The following C1QTNF3 variants were observed in gnomAD, a reference collection of about 807,000 sequenced individuals.
The protein encoded by C1QTNF3 is complement C1q tumor necrosis factor-related protein 3.
In C1QTNF3, 26 loss-of-function variants were observed where a neutral mutation model predicts 32.6. That is an observed-to-expected ratio of 0.80 (90% confidence interval 0.58 to 1.11). The LOEUF (loss-of-function observed/expected upper bound fraction) is 1.11. Ranked by LOEUF, C1QTNF3 falls within the 50% of genes least tolerant of loss-of-function variation. The pLI is 0.00. For synonymous variants in C1QTNF3, 155 were observed against 146.0 expected (o/e 1.06, Z -0.44); for missense variants, 362 against 398.2 (o/e 0.91, Z 0.77).
At chr5:34,158,781 T>C in the C1QTNF3 span, 3 of 152,132 alleles carry the variant, frequency 2.0e-5, no homozygotes, top group Admixed American at 1.3e-4. Context: ...TCTAATTTAT[T>C]TGAATATTTT....
intron 1 of C1QTNF3, among the ~76,000 whole-genome samples, chr5:34,039,920 T>C (rs1332472664): frequency 6.6e-6 from 1 of 152,216 alleles, no homozygotes; most frequent in Non-Finnish European, 1.5e-5. Context: ...TGAGGGCACT[T>C]TGAGGGCACA....
At chr5:34,139,219 T>C in the C1QTNF3 span, among the ~76,000 whole-genome samples, 41 of 152,118 alleles carry the variant, frequency 2.7e-4, no homozygotes, top group Non-Finnish European at 5.4e-4. Context: ...TGCTTATATA[T>C]ACTTACACAT....
chr5:34,035,537 C>T (rs1754715199), intron 2 of C1QTNF3, 110 bp downstream of exon 2: 4 of 810,198 alleles, frequency 4.9e-6, no homozygotes, highest in South Asian at 1.6e-5. Flanking sequence ...AAGAGTCTAG[C>T]GGATCCTTTG....
the C1QTNF3 span, among the ~76,000 whole-genome samples, chr5:34,221,897 G>A: frequency 6.6e-6 from 1 of 151,934 alleles, no homozygotes; most frequent in Admixed American, 6.6e-5. Context: ...CATTTTTCTT[G>A]GCTTCTCATA....
At chr5:34,022,831 TTTTGTTTG>T (rs372948672) in intron 5 of C1QTNF3, among the ~76,000 whole-genome samples, 3 of 152,104 alleles carry the variant, frequency 2.0e-5, no homozygotes, top group African/African-American at 4.8e-5. Context: ...AAGTCAGTTT[TTTTGTTTG>T]TTTGTTTGTT....
the C1QTNF3 span, among the ~76,000 whole-genome samples, chr5:34,155,507 T>G: frequency 2.0e-5 from 3 of 152,228 alleles, no homozygotes; most frequent in Admixed American, 2.0e-4. Flanking sequence ...TCAGACCTGA[T>G]TTTAATATCA....
the C1QTNF3 span, among the ~76,000 whole-genome samples, chr5:34,144,605 A>G: frequency 6.6e-6 from 1 of 152,226 alleles, no homozygotes; most frequent in African/African-American, 2.4e-5. Flanking sequence ...TGCAATAAAA[A>G]AAAGAAGTGA....
chr5:34,166,805 T>C, the C1QTNF3 span: 44 of 151,612 alleles, frequency 2.9e-4, no homozygotes, highest in African/African-American at 1.0e-3. Flanking sequence ...TCAAATGACA[T>C]AGTGAGAGTT....
At chr5:34,230,868 C>A in the C1QTNF3 span, among the ~76,000 whole-genome samples, 4 of 152,116 alleles carry the variant, frequency 2.6e-5, no homozygotes, top group Non-Finnish European at 5.9e-5. Context: ...TAACATTGAA[C>A]ATATTCTTGT....
the C1QTNF3 span, among the ~76,000 whole-genome samples, chr5:34,215,917 G>C: frequency 6.6e-6 from 1 of 152,168 alleles, no homozygotes; most frequent in African/African-American, 2.4e-5. Context: ...ATAGGTGTGA[G>C]CCACTATGCC....
the C1QTNF3 span, among the ~76,000 whole-genome samples, chr5:34,141,043 G>C: frequency 6.6e-6 from 1 of 152,184 alleles, no homozygotes; most frequent in Non-Finnish European, 1.5e-5. Context: ...GAAGTGAGTG[G>C]ACTTAATAAC....
At chr5:34,230,507 A>G in the C1QTNF3 span, among the ~76,000 whole-genome samples, 1 of 152,230 alleles carries the variant, frequency 6.6e-6, no homozygotes, top group Admixed American at 6.5e-5. Flanking sequence ...ATAAAAAAGT[A>G]AAACAAAAAG....
the C1QTNF3 span, among the ~76,000 whole-genome samples, chr5:34,122,893 C>T: frequency 7.3e-5 from 11 of 149,838 alleles, no homozygotes; most frequent in African/African-American, 1.5e-4. Context: ...ATTCCCATCA[C>T]GAGCCCAGAA....
the C1QTNF3 span, among the ~76,000 whole-genome samples, chr5:34,060,394 T>G: frequency 6.6e-6 from 1 of 152,154 alleles, no homozygotes. Flanking sequence ...GTGAAGATCA[T>G]AGGCAATTGT....
the C1QTNF3 span, among the ~76,000 whole-genome samples, chr5:34,069,755 ATAGG>A: frequency 6.6e-6 from 1 of 152,214 alleles, no homozygotes; most frequent in African/African-American, 2.4e-5. Flanking sequence ...GCAAAAGTGA[ATAGG>A]TAGCATATTC....
At position 34,020,746 on chromosome 5, in the gene C1QTNF3, G is replaced by A. The variant is rs1754304676; in HGVS notation, c.801-4C>T. On this transcript the variant is annotated splice_region_variant and splice_polypyrimidine_tract_variant and intron_variant, in intron 5 of 5. Coordinates refer to ENST00000382065, the MANE Select transcript of C1QTNF3 (RefSeq NM_181435.6). ...TGATTTGCCCTTCATTTCATAGCTG[G>A]AAAGAAAAAGAGGAACAAACTACTT... 1.9e-6 allele frequency: 3 copies of A among 1,606,868 alleles called. No homozygotes were observed. In the South Asian group the frequency reaches 3.3e-5, roughly 18 times the overall value.
the C1QTNF3 span, among the ~76,000 whole-genome samples, chr5:34,130,128 T>C: frequency 6.7e-6 from 1 of 148,156 alleles, no homozygotes; most frequent in African/African-American, 2.6e-5. Flanking sequence ...CTATTTTATA[T>C]ATATACACAC....
intron 1 of C1QTNF3, among the ~76,000 whole-genome samples, chr5:34,036,034 T>C (rs1754728597): frequency 6.6e-6 from 1 of 152,190 alleles, no homozygotes; most frequent in Non-Finnish European, 1.5e-5. Context: ...GTCCTATTTC[T>C]GGAAAGTGCC....
At chr5:34,160,904 T>C in the C1QTNF3 span, among the ~76,000 whole-genome samples, 5 of 152,006 alleles carry the variant, frequency 3.3e-5, no homozygotes, top group African/African-American at 1.2e-4. Context: ...ACCTTTTATA[T>C]TGGGAAAAAA....
Sources: allele counts gnomAD v4.1 joint callset (sites outside exome capture counted in the v4.1 genomes callset), GRCh38; gene constraint gnomAD v4.1.1; transcripts MANE v1.5; gene names NCBI Gene and HGNC (gene_info 2026-07-23, HGNC 2026-07-21).